DEUP1: variants seen among roughly 807,000 people sequenced by gnomAD.
DEUP1 encodes the protein deuterosome assembly protein 1.
A neutral mutation model predicts 87.4 loss-of-function variants in DEUP1; 82 were observed. The observed-to-expected ratio is 0.94, with a 90% CI of 0.78 to 1.13. The LOEUF (loss-of-function observed/expected upper bound fraction) is 1.13. Among genes scored for constraint, DEUP1 ranks in the 50% most tolerant of loss-of-function variants. DEUP1 has a pLI of 0.00. For synonymous variants in DEUP1, 214 were observed against 222.7 expected, an observed-to-expected ratio of 0.96 and a Z score of 0.35; for missense variants, 663 against 681.5, an observed-to-expected ratio of 0.97 and a Z score of 0.30.
At chr11:93,435,710 T>C (rs1948222145) in intron 13 of DEUP1, among the ~76,000 whole-genome samples, 1 of 152,106 alleles carries the variant, frequency 6.6e-6, no homozygotes, top group East Asian at 1.9e-4. Flanking sequence ...ACAAAATAAT[T>C]TTTTCACCAG....
At chr11:93,409,924 A>G (rs910379855) in intron 12 of DEUP1, among the ~76,000 whole-genome samples, 3 of 152,222 alleles carry the variant, frequency 2.0e-5, no homozygotes, top group African/African-American at 4.8e-5. Flanking sequence ...GGGCAAATAG[A>G]CAAATGGCTG....
chr11:93,380,338 T>G (rs1267517090), intron 7 of DEUP1, among the ~76,000 whole-genome samples: 1 of 152,242 alleles, frequency 6.6e-6, no homozygotes, highest in Non-Finnish European at 1.5e-5. Flanking sequence ...TCACATATTT[T>G]TAGTGGATAG....
At chr11:93,390,175 A>G (rs371545676) in intron 9 of DEUP1, among the ~76,000 whole-genome samples, 24 of 152,360 alleles carry the variant, frequency 1.6e-4, no homozygotes, top group African/African-American at 4.6e-4. Flanking sequence ...TGAATTATCA[A>G]TTAGTGCACT....
rs761970809 is a variant in DEUP1, at chr11:93,437,546, C to G, written c.1642C>G (p.Pro548Ala). 24 of 1,609,142 alleles carry G rather than the reference C, an allele frequency of 1.5e-5. No individual in the cohort carries two copies. In the South Asian group the frequency reaches 2.3e-4, roughly 16 times the overall value. Residue 548 changes from proline (P) to alanine (A), a missense_variant, in exon 14 of 14, where the codon CCC becomes GCC. Pro to Ala is a conservative substitution (Grantham distance 27, BLOSUM62 -1). Coordinates refer to ENST00000298050, the MANE Select transcript of DEUP1 (RefSeq NM_181645.4). The part of the protein sequence containing the change: ...VSDDDVFPLS[P>A]PDMSFPASLA... ...TTTTCTTTCTTTCTCTCTTTAGTCTCCCCCAGATATGTCCTTCCCAGCATC... is the reference window on the plus strand; with the variant it reads ...TTTTCTTTCTTTCTCTCTTTAGTCTGCCCCAGATATGTCCTTCCCAGCATC...
chr11:93,428,365 T>C (rs1421909540), intron 13 of DEUP1, among the ~76,000 whole-genome samples: 1 of 151,506 alleles, frequency 6.6e-6, no homozygotes, highest in Non-Finnish European at 1.5e-5. Flanking sequence ...AAACACCACA[T>C]GTTCTCACTC....
chr11:93,409,081 T>A (rs1349526319), intron 12 of DEUP1, among the ~76,000 whole-genome samples: 2 of 152,184 alleles, frequency 1.3e-5, no homozygotes, highest in African/African-American at 4.8e-5. Flanking sequence ...GGTCTCTAAC[T>A]CCTGACCGCA....
At chr11:93,338,301 C>T (rs1030635002) in intron 2 of DEUP1, among the ~76,000 whole-genome samples, 11 of 152,108 alleles carry the variant, frequency 7.2e-5, no homozygotes, top group African/African-American at 2.4e-4. Flanking sequence ...TATAGGCCAG[C>T]GTATTCCAGG....
At chr11:93,345,616 T>G (rs1025253844) in intron 2 of DEUP1, among the ~76,000 whole-genome samples, 2 of 152,198 alleles carry the variant, frequency 1.3e-5, no homozygotes, top group African/African-American at 4.8e-5. Flanking sequence ...ATCAGTAATG[T>G]TGAGCCTTTT....
intron 4 of DEUP1, among the ~76,000 whole-genome samples, chr11:93,363,039 A>G (rs1226380419): frequency 2.0e-5 from 3 of 151,958 alleles, no homozygotes; most frequent in African/African-American, 7.2e-5. Context: ...ACAAACTGAT[A>G]CATTTATACC....
chr11:93,414,626 T>G (rs573418835), intron 12 of DEUP1, among the ~76,000 whole-genome samples: 245 of 152,314 alleles, frequency 1.6e-3, no homozygotes, highest in African/African-American at 5.7e-3. Context: ...AGAGTATCTA[T>G]TTAGAACTGT....
In DEUP1 at chr11:93,437,552, G is replaced by A; in HGVS notation, c.1648G>A (p.Asp550Asn). 3 of 1,611,852 alleles carry A rather than the reference G, an allele frequency of 1.9e-6. No homozygotes were observed. The highest frequency in any genetic ancestry group is 2.5e-6 in the Non-Finnish European group (3 of 1,179,124). The change falls in exon 14 of 14, where the codon GAT (aspartate) becomes AAT (asparagine). Residue 550 changes from aspartate to asparagine, a missense_variant. Coordinates refer to ENST00000298050, the MANE Select transcript of DEUP1 (RefSeq NM_181645.4). ...TTCTTTCTCTCTTTAGTCTCCCCCA[G>A]ATATGTCCTTCCCAGCATCTTTGGC... ...DDDVFPLSPPDMSFPASLAAQ... is the reference protein window; with the variant it reads ...DDDVFPLSPPNMSFPASLAAQ...
intron 7 of DEUP1, among the ~76,000 whole-genome samples, chr11:93,379,299 G>C (rs1946189981): frequency 6.6e-6 from 1 of 152,146 alleles, no homozygotes; most frequent in Non-Finnish European, 1.5e-5. Flanking sequence ...CAGTATGACT[G>C]ACTTTCTCTA....
At chr11:93,391,445 C>A (rs974172676) in intron 9 of DEUP1, among the ~76,000 whole-genome samples, 2 of 152,016 alleles carry the variant, frequency 1.3e-5, no homozygotes, top group Admixed American at 6.6e-5. Flanking sequence ...TGCCGTGGCT[C>A]ACGCCTGTAA....
At chr11:93,420,018 C>A (rs7130507) in intron 13 of DEUP1, among the ~76,000 whole-genome samples, 1 of 151,782 alleles carries the variant, frequency 6.6e-6, no homozygotes, top group Non-Finnish European at 1.5e-5. Context: ...CTTCTGAAAC[C>A]ATTCCAATCA....
intron 2 of DEUP1, among the ~76,000 whole-genome samples, chr11:93,352,906 T>C (rs1041531690): frequency 6.6e-6 from 1 of 152,124 alleles, no homozygotes; most frequent in South Asian, 2.1e-4. Context: ...AAGTTGAGAT[T>C]TTGGTGGGGA....
At chr11:93,397,426 G>A (rs973004067) in intron 11 of DEUP1, among the ~76,000 whole-genome samples, 1 of 152,172 alleles carries the variant, frequency 6.6e-6, no homozygotes, top group Non-Finnish European at 1.5e-5. Context: ...ATTTCTAAAT[G>A]CTGAACACAC....
intron 13 of DEUP1, among the ~76,000 whole-genome samples, chr11:93,428,061 T>C (rs890308182): frequency 5.3e-5 from 8 of 152,028 alleles, no homozygotes; most frequent in African/African-American, 1.9e-4. Flanking sequence ...TGGAAGTCAG[T>C]GTGGCGATTC....
chr11:93,360,234 C>G (rs1444180909), intron 4 of DEUP1, among the ~76,000 whole-genome samples: 1 of 152,184 alleles, frequency 6.6e-6, no homozygotes, highest in African/African-American at 2.4e-5. Context: ...CCATTGGATA[C>G]CAACTGAAGC....
intron 13 of DEUP1, among the ~76,000 whole-genome samples, chr11:93,417,948 T>C (rs886528982): frequency 3.3e-5 from 5 of 150,776 alleles, no homozygotes; most frequent in African/African-American, 9.7e-5. Context: ...CCCTATTTAA[T>C]AAATGGTGCT....
Sources: allele counts gnomAD v4.1 joint callset (sites outside exome capture counted in the v4.1 genomes callset), GRCh38; gene constraint gnomAD v4.1.1; transcripts MANE v1.5; gene names NCBI Gene and HGNC (gene_info 2026-07-23, HGNC 2026-07-21).